ME3: variants seen among roughly 807,000 people sequenced by gnomAD.
ME3 encodes malic enzyme 3.
In ME3, 48 loss-of-function variants were observed where a neutral mutation model predicts 68.9. The ratio of observed to expected loss-of-function variants is 0.70; its 90% CI spans 0.55 to 0.89. ME3 has a LOEUF of 0.89. Ranked by LOEUF, ME3 falls within the 40% of genes least tolerant of loss-of-function variation. The pLI is 0.00. For synonymous variants in ME3, 320 were observed against 318.8 expected (o/e 1.00, Z -0.04); for missense variants, 675 against 797.4 (o/e 0.85, Z 1.85).
At chr11:86,613,496 G>A (rs2135212567) in intron 2 of ME3, among the ~76,000 whole-genome samples, 1 of 152,204 alleles carries the variant, frequency 6.6e-6, no homozygotes, top group South Asian at 2.1e-4. Context: ...AAGAAATAAA[G>A]CATATTCAAA....
intron 13 of ME3, among the ~76,000 whole-genome samples, chr11:86,445,198 GACAA>G (rs1220743598): frequency 1.3e-5 from 2 of 152,316 alleles, no homozygotes; most frequent in Middle Eastern, 3.4e-3. Context: ...TGAGAAGAAA[GACAA>G]ACAGAGTACT....
intron 8 of ME3, chr11:86,464,209 A>G (rs1950365433): frequency 5.5e-6 from 2 of 360,574 alleles, no homozygotes; most frequent in Admixed American, 4.0e-5. Flanking sequence ...TCCACCTGAC[A>G]TGGATCTTTG....
intron 4 of ME3, among the ~76,000 whole-genome samples, chr11:86,551,111 C>G (rs574019377): frequency 6.6e-6 from 1 of 152,168 alleles, no homozygotes; most frequent in East Asian, 1.9e-4. Flanking sequence ...AAATGTGAAC[C>G]TTAACCATAT....
chr11:86,529,922 G>A (rs775046245), intron 4 of ME3, among the ~76,000 whole-genome samples: 18 of 152,276 alleles, frequency 1.2e-4, no homozygotes, highest in Non-Finnish European at 2.4e-4. Context: ...AAAGCTGGAA[G>A]CATTCCCTTT....
intron 2 of ME3, among the ~76,000 whole-genome samples, chr11:86,577,038 G>A (rs1000520229): frequency 5.3e-5 from 8 of 152,134 alleles, no homozygotes; most frequent in African/African-American, 1.9e-4. Flanking sequence ...TGTGGTAGAA[G>A]CAGGATGGAA....
At chr11:86,475,870 TATATAG>T (rs1183334368) in intron 7 of ME3, among the ~76,000 whole-genome samples, 37 of 106,518 alleles carry the variant, frequency 3.5e-4, no homozygotes, top group East Asian at 2.4e-3. Flanking sequence ...TATATATATA[TATATAG>T]AGAGAGAGAG....
intron 7 of ME3, among the ~76,000 whole-genome samples, chr11:86,475,595 C>T (rs1448172622): frequency 6.6e-6 from 1 of 152,038 alleles, no homozygotes; most frequent in African/African-American, 2.4e-5. Context: ...TCATGAATTA[C>T]ATGAAGGAGG....
intron 2 of ME3, among the ~76,000 whole-genome samples, chr11:86,564,227 TA>T (rs919575729): frequency 9.2e-5 from 14 of 152,142 alleles, no homozygotes; most frequent in African/African-American, 3.4e-4. Context: ...TCTTCTTTGG[TA>T]AAGTATCAGT....
intron 4 of ME3, among the ~76,000 whole-genome samples, chr11:86,520,801 G>C (rs1954217217): frequency 1.3e-5 from 2 of 152,000 alleles, no homozygotes. Context: ...CTGAATGTGA[G>C]AATGGAGCAT....
chr11:86,497,997 A>G, exon 6 of ME3: 1 of 1,610,886 alleles, frequency 6.2e-7, no homozygotes, highest in South Asian at 1.1e-5. Context: ...CAGCACAGGG[A>G]GGCACTGCTG....
chr11:86,491,403 G>T (rs1952004174), intron 6 of ME3, among the ~76,000 whole-genome samples: 1 of 152,198 alleles, frequency 6.6e-6, no homozygotes, highest in East Asian at 1.9e-4. Flanking sequence ...GTCAATTGTG[G>T]CTGGGAAGGT....
chr11:86,448,191 AG>A lies in ME3; in HGVS notation c.1195del (p.Leu399TrpfsTer5). The stretch of plus-strand genomic sequence containing the variant: ...CTTCACCAGCCTCACCACCTCCTCC[AG>A]GGAGTTGACTTCAGGATGGTCTTGG... On this transcript the variant is annotated frameshift_variant, in exon 11 of 15. Coordinates refer to ENST00000543262, the Ensembl canonical transcript of ME3. LOFTEE classifies it high-confidence loss of function. The A allele has an allele frequency of 6.2e-7, 1 of 1,614,068 alleles. No homozygotes were observed. Among genetic ancestry groups the A allele is most frequent in the Non-Finnish European group, 8.5e-7 (1 of 1,180,012 alleles).
intron 6 of ME3, among the ~76,000 whole-genome samples, chr11:86,496,924 A>C (rs1952372926): frequency 6.6e-6 from 1 of 151,668 alleles, no homozygotes; most frequent in Non-Finnish European, 1.5e-5. Flanking sequence ...TATGTAAACA[A>C]TGATTAGTGC....
chr11:86,491,546 A>G (rs1028730016), intron 6 of ME3, among the ~76,000 whole-genome samples: 47 of 152,320 alleles, frequency 3.1e-4, no homozygotes, highest in African/African-American at 1.1e-3. Context: ...CTAAAACAGT[A>G]GTGGGCAGAG....
At chr11:86,465,108 A>C in exon 8 of ME3, 3 of 1,613,142 alleles carry the variant, frequency 1.9e-6, no homozygotes, top group Non-Finnish European at 2.5e-6. Context: ...GTCATCATTG[A>C]ACATGCAGTA....
chr11:86,551,090 T>G (rs1956655991), intron 4 of ME3, among the ~76,000 whole-genome samples: 1 of 151,926 alleles, frequency 6.6e-6, no homozygotes, highest in Non-Finnish European at 1.5e-5. Flanking sequence ...AGTAGGAAAC[T>G]CCAAGGAGGT....
At chr11:86,644,832 G>T (rs369307743) in intron 2 of ME3, among the ~76,000 whole-genome samples, 2 of 152,332 alleles carry the variant, frequency 1.3e-5, no homozygotes, top group South Asian at 4.1e-4. Context: ...CAGAAGGCGG[G>T]TGATTTCTGC....
intron 5 of ME3, among the ~76,000 whole-genome samples, chr11:86,504,223 C>T (rs1301234236): frequency 1.3e-5 from 2 of 152,038 alleles, no homozygotes; most frequent in East Asian, 3.9e-4. Context: ...CCTAAAGATA[C>T]CTGTGCCTTG....
At chr11:86,525,476 T>C (rs1954661241) in intron 4 of ME3, among the ~76,000 whole-genome samples, 2 of 151,674 alleles carry the variant, frequency 1.3e-5, no homozygotes. Flanking sequence ...AATGAATTAA[T>C]TCTCCTATCA....
Sources: allele counts gnomAD v4.1 joint callset (sites outside exome capture counted in the v4.1 genomes callset), GRCh38; gene constraint gnomAD v4.1.1; transcripts MANE v1.5; gene names NCBI Gene and HGNC (gene_info 2026-07-23, HGNC 2026-07-21).